GPR176: variants seen among roughly 807,000 people sequenced by gnomAD.
GPR176 encodes G protein-coupled receptor 176.
Under a neutral mutation model 35.4 loss-of-function variants are expected in GPR176, and 26 were observed. The observed-to-expected ratio is 0.74, with a 90% CI of 0.54 to 1.02. The LOEUF is 1.02. GPR176 is among the 50% of genes least tolerant of loss of function. The pLI is 0.00. For missense variants in GPR176, 597 were observed against 665.3 expected (o/e 0.90, Z 1.13); for synonymous variants, 278 against 271.3 (o/e 1.02, Z -0.24).
At chr15:39,819,587 A>G (rs1050082535) in intron 1 of GPR176, among the ~76,000 whole-genome samples, 1 of 152,230 alleles carries the variant, frequency 6.6e-6, no homozygotes, top group East Asian at 1.9e-4. Context: ...AATGTTTACT[A>G]TCTTCCCATT....
chr15:39,910,320 G>A (rs768663133), intron 1 of GPR176, among the ~76,000 whole-genome samples: 1 of 152,202 alleles, frequency 6.6e-6, no homozygotes, highest in Non-Finnish European at 1.5e-5. Flanking sequence ...GGGCATGGTG[G>A]CTCATGCCTG....
At chr15:39,824,383 C>T (rs1900484157) in intron 1 of GPR176, among the ~76,000 whole-genome samples, 1 of 152,260 alleles carries the variant, frequency 6.6e-6, no homozygotes, top group African/African-American at 2.4e-5. Flanking sequence ...CTTCTGCCCT[C>T]TACCTCATCC....
chr15:39,889,594 A>G (rs957133446), intron 1 of GPR176, among the ~76,000 whole-genome samples: 1 of 151,432 alleles, frequency 6.6e-6, no homozygotes, highest in Non-Finnish European at 1.5e-5. Flanking sequence ...AAAATAAAAT[A>G]AAATAAAATA....
At chr15:39,918,685 C>CA (rs2033792165) in intron 1 of GPR176, among the ~76,000 whole-genome samples, 1 of 151,192 alleles carries the variant, frequency 6.6e-6, no homozygotes, top group African/African-American at 2.5e-5. Context: ...ACACACACAC[C>CA]CCTAGATATA....
chr15:39,834,282 T>A (rs1252489075), intron 1 of GPR176, among the ~76,000 whole-genome samples: 4 of 152,162 alleles, frequency 2.6e-5, no homozygotes. Context: ...AAAATTAATG[T>A]GAATTAAAAA....
At chr15:39,867,643 A>G (rs1410696527) in intron 1 of GPR176, among the ~76,000 whole-genome samples, 1 of 152,176 alleles carries the variant, frequency 6.6e-6, no homozygotes, top group East Asian at 1.9e-4. Flanking sequence ...GGAGCAAGAG[A>G]CAGGAGGGAC....
chr15:39,907,971 T>G (rs928865696), intron 1 of GPR176, among the ~76,000 whole-genome samples: 7 of 151,880 alleles, frequency 4.6e-5, no homozygotes, highest in Non-Finnish European at 8.8e-5. Context: ...GGTGAAAGAG[T>G]GAGACCCTGT....
chr15:39,884,149 C>A (rs1009603868), intron 1 of GPR176, among the ~76,000 whole-genome samples: 50 of 152,326 alleles, frequency 3.3e-4, no homozygotes, highest in East Asian at 3.9e-4. Flanking sequence ...AACAAGGGGT[C>A]ACACTAACTT....
At chr15:39,908,238 G>A (rs2033477077) in intron 1 of GPR176, among the ~76,000 whole-genome samples, 1 of 152,126 alleles carries the variant, frequency 6.6e-6, no homozygotes, top group Admixed American at 6.5e-5. Context: ...CAGGCTTTAT[G>A]ATCCTCCTCA....
intron 1 of GPR176, among the ~76,000 whole-genome samples, chr15:39,889,165 T>G (rs1330753776): frequency 1.3e-5 from 2 of 152,288 alleles, no homozygotes; most frequent in East Asian, 3.9e-4. Context: ...TGGAGACAAT[T>G]CAGAGAGCAA....
At chr15:39,850,490 A>G (rs1477730786) in intron 1 of GPR176, among the ~76,000 whole-genome samples, 2 of 152,232 alleles carry the variant, frequency 1.3e-5, no homozygotes, top group African/African-American at 2.4e-5. Context: ...TTCTAACCAT[A>G]TAACATTCTT....
intron 1 of GPR176, among the ~76,000 whole-genome samples, chr15:39,878,635 T>C (rs532735032): frequency 6.6e-6 from 1 of 152,362 alleles, no homozygotes; most frequent in East Asian, 1.9e-4. Flanking sequence ...TTTGGATACA[T>C]GCCCATAAGT....
intron 1 of GPR176, among the ~76,000 whole-genome samples, chr15:39,881,621 T>C (rs924399604): frequency 3.3e-5 from 5 of 152,222 alleles, no homozygotes; most frequent in African/African-American, 1.2e-4. Flanking sequence ...CCTTTTAACA[T>C]AGTTTAACAT....
At chr15:39,844,318 C>T (rs1403523540) in intron 1 of GPR176, among the ~76,000 whole-genome samples, 1 of 152,104 alleles carries the variant, frequency 6.6e-6, no homozygotes, top group Non-Finnish European at 1.5e-5. Flanking sequence ...ATTTAATATG[C>T]TCCCAGACGG....
chr15:39,808,018 C>T (rs1003900577), intron 1 of GPR176, among the ~76,000 whole-genome samples: 1 of 152,132 alleles, frequency 6.6e-6, no homozygotes, highest in African/African-American at 2.4e-5. Flanking sequence ...CCTGGTTTTC[C>T]TTCCACCCTC....
At chr15:39,876,890 G>A (rs575927135) in intron 1 of GPR176, among the ~76,000 whole-genome samples, 4 of 151,974 alleles carry the variant, frequency 2.6e-5, no homozygotes, top group Admixed American at 1.3e-4. Context: ...GAGACAGAGA[G>A]AGAGAGAGAA....
intron 1 of GPR176, among the ~76,000 whole-genome samples, chr15:39,839,346 T>A (rs1345294737): frequency 1.3e-5 from 2 of 152,184 alleles, no homozygotes; most frequent in Non-Finnish European, 2.9e-5. Context: ...CATCTGATCT[T>A]CGACAAACCT....
chr15:39,800,898 A>C lies in GPR176; in HGVS notation c.*234T>G. On this transcript the variant is annotated 3_prime_UTR_variant, in exon 3 of 3. Transcript: ENST00000561100. ...CCAGCTCTTGTCCCCACAGAGAATA[A>C]TGTGGACTTCACTAAGGACATGGAT... is the stretch of plus-strand genomic sequence containing the variant. The C allele has an allele frequency of 2.1e-6, 1 of 469,938 alleles. No individual in the cohort carries two copies. Among genetic ancestry groups the C allele is most frequent in the Non-Finnish European group, 3.8e-6 (1 of 259,894 alleles). The allele number at this position is 469,938 out of a possible 1,614,324, so 29.1% of individuals were successfully genotyped here.
At chr15:39,860,645 G>A (rs1045797285) in intron 1 of GPR176, among the ~76,000 whole-genome samples, 6 of 152,190 alleles carry the variant, frequency 3.9e-5, no homozygotes, top group Admixed American at 2.6e-4. Flanking sequence ...AAAGAGACCT[G>A]AAGGCTCATA....
Sources: allele counts gnomAD v4.1 joint callset (sites outside exome capture counted in the v4.1 genomes callset), GRCh38; gene constraint gnomAD v4.1.1; transcripts MANE v1.5; gene names NCBI Gene and HGNC (gene_info 2026-07-23, HGNC 2026-07-21).